ARHGEF3: variants seen among roughly 807,000 people sequenced by gnomAD.
The protein encoded by ARHGEF3 is Rho guanine nucleotide exchange factor 3.
In ARHGEF3, 28 loss-of-function variants were observed where a neutral mutation model predicts 63.2. That is an observed-to-expected ratio of 0.44 (90% CI 0.33 to 0.61). ARHGEF3 has a LOEUF of 0.61. Ranked by LOEUF, ARHGEF3 falls within the 20% of genes least tolerant of loss-of-function variation. The pLI is 0.03. For missense variants in ARHGEF3, 533 were observed against 659.3 expected (o/e 0.81, Z 2.10); for synonymous variants, 266 against 254.2 (o/e 1.05, Z -0.44).
At chr3:56,869,902 T>C (rs1361079003) in intron 4 of ARHGEF3, among the ~76,000 whole-genome samples, 1 of 152,134 alleles carries the variant, frequency 6.6e-6, no homozygotes, top group Non-Finnish European at 1.5e-5. Context: ...ACTGAATACA[T>C]TTTAAGGCAG....
At chr3:57,065,903 T>C (rs1011092669) in intron 1 of ARHGEF3, among the ~76,000 whole-genome samples, 4 of 152,070 alleles carry the variant, frequency 2.6e-5, no homozygotes, top group Non-Finnish European at 5.9e-5. Context: ...CCATGAACTC[T>C]CAGGTCTTCA....
At chr3:56,815,153 TAA>T (rs766433521) in intron 4 of ARHGEF3, among the ~76,000 whole-genome samples, 3 of 133,426 alleles carry the variant, frequency 2.2e-5, no homozygotes, top group African/African-American at 2.8e-5. Flanking sequence ...CTAAAAAAAT[TAA>T]AAAAAAAAAA....
intron 4 of ARHGEF3, among the ~76,000 whole-genome samples, chr3:56,811,948 A>G (rs1040752086): frequency 9.9e-5 from 15 of 152,154 alleles, no homozygotes; most frequent in Admixed American, 5.9e-4. Context: ...CCCAGTAGTC[A>G]GCCTGCTCAT....
chr3:57,067,551 T>C (rs193205839), intron 1 of ARHGEF3, among the ~76,000 whole-genome samples: 6 of 150,634 alleles, frequency 4.0e-5, no homozygotes, highest in Non-Finnish European at 8.9e-5. Flanking sequence ...AATGCAACTT[T>C]AGGGTGGGTG....
At chr3:57,018,189 G>A (rs1329911441) in intron 2 of ARHGEF3, among the ~76,000 whole-genome samples, 1 of 146,676 alleles carries the variant, frequency 6.8e-6, no homozygotes, top group Non-Finnish European at 1.5e-5. Context: ...TGAGGCAGGA[G>A]AATCACTTGA....
chr3:56,928,492 C>T (rs1455157506), intron 3 of ARHGEF3, among the ~76,000 whole-genome samples: 1 of 152,146 alleles, frequency 6.6e-6, no homozygotes, highest in African/African-American at 2.4e-5. Context: ...TTTGAAAGCA[C>T]AAAGCTGCTT....
intron 4 of ARHGEF3, among the ~76,000 whole-genome samples, chr3:56,830,284 CTGA>C (rs2038885484): frequency 6.6e-6 from 1 of 152,044 alleles, no homozygotes; most frequent in Non-Finnish European, 1.5e-5. Flanking sequence ...GGTGCTAGTG[CTGA>C]TGATGATAGG....
intron 2 of ARHGEF3, among the ~76,000 whole-genome samples, chr3:57,017,961 T>C (rs1005307690): frequency 1.3e-5 from 2 of 152,180 alleles, no homozygotes; most frequent in East Asian, 3.9e-4. Context: ...AGTTACGCTG[T>C]GAAAACCAAG....
intron 2 of ARHGEF3, among the ~76,000 whole-genome samples, chr3:57,024,570 C>A (rs887015771): frequency 3.3e-5 from 5 of 152,106 alleles, no homozygotes; most frequent in African/African-American, 1.2e-4. Flanking sequence ...TCACTGCAAG[C>A]GCTGCCTCCC....
intron 4 of ARHGEF3, among the ~76,000 whole-genome samples, chr3:56,864,492 G>A (rs1336040471): frequency 6.6e-6 from 1 of 152,186 alleles, no homozygotes; most frequent in Non-Finnish European, 1.5e-5. Flanking sequence ...ACAGCAACAT[G>A]TCTCTCTTTT....
At chr3:57,052,060 A>G (rs1049492345) in intron 1 of ARHGEF3, among the ~76,000 whole-genome samples, 1 of 152,156 alleles carries the variant, frequency 6.6e-6, no homozygotes, top group African/African-American at 2.4e-5. Flanking sequence ...TATGGTAATT[A>G]TCACACTAAA....
chr3:56,978,334 T>C (rs897502250), intron 2 of ARHGEF3, among the ~76,000 whole-genome samples: 2 of 152,244 alleles, frequency 1.3e-5, no homozygotes, highest in African/African-American at 4.8e-5. Context: ...AGGTTAGGAT[T>C]GATCCGGGGA....
At chr3:57,057,098 G>A (rs1345193797) in intron 1 of ARHGEF3, among the ~76,000 whole-genome samples, 1 of 152,012 alleles carries the variant, frequency 6.6e-6, no homozygotes, top group Non-Finnish European at 1.5e-5. Context: ...GCAGGTTTCT[G>A]CATTTTTTAA....
chr3:56,808,792 A>T (rs1470145549), intron 4 of ARHGEF3, among the ~76,000 whole-genome samples: 1 of 152,158 alleles, frequency 6.6e-6, no homozygotes, highest in Non-Finnish European at 1.5e-5. Flanking sequence ...GTCTGGATGT[A>T]TTTTTGATTG....
At chr3:56,739,396 CTT>C (rs11309388) in intron 7 of ARHGEF3, among the ~76,000 whole-genome samples, 7 of 133,424 alleles carry the variant, frequency 5.2e-5, no homozygotes, top group South Asian at 2.3e-4. Flanking sequence ...AATTATTTTC[CTT>C]TTTTTTTTTT....
intron 2 of ARHGEF3, among the ~76,000 whole-genome samples, chr3:56,971,446 G>C (rs990091534): frequency 6.6e-6 from 1 of 152,108 alleles, no homozygotes; most frequent in East Asian, 1.9e-4. Flanking sequence ...TTCTCAGTCT[G>C]GTCTGGAGCT....
At chr3:56,955,401 C>T (rs949193291) in intron 3 of ARHGEF3, among the ~76,000 whole-genome samples, 3 of 151,980 alleles carry the variant, frequency 2.0e-5, no homozygotes, top group African/African-American at 4.8e-5. Context: ...CAGGGTCCTG[C>T]TTTGTTGCCC....
chr3:57,076,138 T>C (rs1266981475), intron 1 of ARHGEF3, among the ~76,000 whole-genome samples: 1 of 152,184 alleles, frequency 6.6e-6, no homozygotes, highest in African/African-American at 2.4e-5. Context: ...GATTAAGGAA[T>C]GATACAGAAA....
chr3:56,972,668 G>T (rs1223569379), intron 2 of ARHGEF3, among the ~76,000 whole-genome samples: 1 of 152,006 alleles, frequency 6.6e-6, no homozygotes, highest in African/African-American at 2.4e-5. Context: ...CGGCTGAGGG[G>T]CAGCAAAACC....
Sources: gnomAD v4.1 joint callset for allele counts (sites outside exome capture counted in the v4.1 genomes callset) on GRCh38, gnomAD v4.1.1 for gene constraint, MANE v1.5 for transcripts, NCBI Gene and HGNC (gene_info 2026-07-23, HGNC 2026-07-21) for gene names.